Variants in SDCCAG8 observed in about 807,000 individuals in gnomAD.
The protein encoded by SDCCAG8 is serologically defined colon cancer antigen 8.
SDCCAG8 carries 74 observed loss-of-function variants against 101.8 expected under a neutral mutation model. The observed-to-expected ratio is 0.73, with a 90% CI of 0.60 to 0.88. SDCCAG8 has a LOEUF of 0.88. Among genes scored for constraint, SDCCAG8 ranks in the 40% least tolerant of loss-of-function variants. The pLI is 0.00. For synonymous variants in SDCCAG8, 281 were observed against 292.9 expected (o/e 0.96, Z 0.41); for missense variants, 787 against 822.6 (o/e 0.96, Z 0.53).
intron 5 of SDCCAG8, among the ~76,000 whole-genome samples, chr1:243,292,052 G>A (rs905815048): frequency 4.6e-5 from 7 of 152,194 alleles, no homozygotes; most frequent in African/African-American, 1.7e-4. Flanking sequence ...GTAGGGCAGG[G>A]TCCAGGCTGG....
At chr1:243,392,740 C>T (rs751032596) in intron 13 of SDCCAG8, among the ~76,000 whole-genome samples, 1 of 152,164 alleles carries the variant, frequency 6.6e-6, no homozygotes, top group Non-Finnish European at 1.5e-5. Context: ...CGTAACTAAT[C>T]AACTTTTTAG....
At chr1:243,454,946 G>A (rs185155525) in intron 16 of SDCCAG8, among the ~76,000 whole-genome samples, 1 of 152,130 alleles carries the variant, frequency 6.6e-6, no homozygotes, top group Admixed American at 6.5e-5. Context: ...GAAATAAACT[G>A]CTTGACAAAA....
intron 10 of SDCCAG8, among the ~76,000 whole-genome samples, chr1:243,339,572 G>C (rs1245560548): frequency 6.6e-6 from 1 of 152,134 alleles, no homozygotes; most frequent in Non-Finnish European, 1.5e-5. Context: ...ACAATCCTTT[G>C]ATGATAGGGA....
chr1:243,264,567 T>C (rs1165112146), intron 1 of SDCCAG8, among the ~76,000 whole-genome samples: 2 of 151,978 alleles, frequency 1.3e-5, no homozygotes, highest in African/African-American at 4.8e-5. Flanking sequence ...TGAGCCGAGA[T>C]TGCACCATTG....
At chr1:243,369,671 A>G (rs1412470713) in intron 12 of SDCCAG8, among the ~76,000 whole-genome samples, 1 of 152,160 alleles carries the variant, frequency 6.6e-6, no homozygotes, top group African/African-American at 2.4e-5. Context: ...AATGAAGGAT[A>G]CAACCTGGGC....
intron 13 of SDCCAG8, among the ~76,000 whole-genome samples, chr1:243,380,271 A>C (rs1408418550): frequency 1.3e-5 from 2 of 152,222 alleles, no homozygotes; most frequent in African/African-American, 4.8e-5. Context: ...TAACGTTAGC[A>C]TAATTCCTGT....
chr1:243,259,721 A>G (rs1311205145), intron 1 of SDCCAG8, among the ~76,000 whole-genome samples: 1 of 152,026 alleles, frequency 6.6e-6, no homozygotes, highest in Non-Finnish European at 1.5e-5. Flanking sequence ...CGGGAGGCTG[A>G]GGCAGGAGAA....
intron 9 of SDCCAG8, among the ~76,000 whole-genome samples, chr1:243,319,196 C>G (rs2073535225): frequency 6.6e-6 from 1 of 152,054 alleles, no homozygotes; most frequent in Admixed American, 6.6e-5. Flanking sequence ...CAAACACCTC[C>G]CACCAGGCCC....
chr1:243,483,346 G>A (rs1212402060), intron 16 of SDCCAG8, among the ~76,000 whole-genome samples: 1 of 152,076 alleles, frequency 6.6e-6, no homozygotes, highest in Non-Finnish European at 1.5e-5. Flanking sequence ...CGCAAACAGC[G>A]GTGCCCTCTA....
At position 243,308,752 on chromosome 1, in the gene SDCCAG8, C is replaced by T. The variant is rs149244502; in HGVS notation, c.929+575C>T. On this transcript the variant is annotated intron_variant, in intron 8 of 17. Coordinates refer to ENST00000366541, the MANE Select transcript of SDCCAG8 (RefSeq NM_006642.5). The stretch of plus-strand genomic sequence containing the variant: ...CTAAGCTGAGTGAAACAATTCTCTT[C>T]GTACATCTGTTTTGTTGTTTTCACT... 3.0e-4 allele frequency among the ~76,000 whole-genome samples: 45 copies of T among 152,294 alleles called. No individual in the cohort carries two copies. The East Asian group carries it at 6.9e-3, about 24-fold the overall frequency.
Position 243,493,323 on chromosome 1 carries a change from G to A in SDCCAG8, c.2112+4183G>A, listed in dbSNP as rs1042129549. 1.0e-3 allele frequency among the ~76,000 whole-genome samples: 152 copies of A among 152,166 alleles called. 1 individual carries two copies. Among genetic ancestry groups the A allele is most frequent in the Non-Finnish European group, 1.3e-4 (9 of 68,036 alleles). On this transcript the variant is annotated intron_variant, in intron 17 of 17. Coordinates refer to ENST00000366541, the MANE Select transcript of SDCCAG8 (RefSeq NM_006642.5). ...AGCAGGGTCAGGGGTCTGCGGCCCA[G>A]AGCCTGGGGGCTCTAACATCTGGCT...
At chr1:243,435,035 C>T (rs1407985056) in intron 16 of SDCCAG8, among the ~76,000 whole-genome samples, 6 of 152,234 alleles carry the variant, frequency 3.9e-5, no homozygotes, top group Non-Finnish European at 7.3e-5. Context: ...TTGATTTATT[C>T]ATCAAATATT....
At chr1:243,431,878 C>G (rs764936390) in intron 16 of SDCCAG8, among the ~76,000 whole-genome samples, 2 of 152,090 alleles carry the variant, frequency 1.3e-5, no homozygotes, top group Non-Finnish European at 2.9e-5. Context: ...TTTTTTCCCC[C>G]TTTTGTATGG....
chr1:243,348,096 C>T (rs1445837921), intron 12 of SDCCAG8, among the ~76,000 whole-genome samples: 1 of 140,566 alleles, frequency 7.1e-6, no homozygotes, highest in Non-Finnish European at 1.5e-5. Context: ...AGTGCAGTGG[C>T]GCGATCTCGG....
intron 13 of SDCCAG8, among the ~76,000 whole-genome samples, chr1:243,404,124 A>G (rs2079591229): frequency 6.6e-6 from 1 of 152,250 alleles, no homozygotes; most frequent in African/African-American, 2.4e-5. Flanking sequence ...ATGCGAAGGG[A>G]TAAAGGCTGA....
chr1:243,380,769 C>T (rs944519071), intron 13 of SDCCAG8, among the ~76,000 whole-genome samples: 13 of 151,560 alleles, frequency 8.6e-5, no homozygotes, highest in Non-Finnish European at 1.3e-4. Flanking sequence ...TTTCTAAGTG[C>T]GGTACTCTTT....
chr1:243,338,025 A>G (rs992875260), intron 10 of SDCCAG8, among the ~76,000 whole-genome samples: 1 of 152,052 alleles, frequency 6.6e-6, no homozygotes, highest in Non-Finnish European at 1.5e-5. Context: ...GGCTCAAGCA[A>G]TCCCCCTGCC....
chr1:243,438,556 G>A (rs865844187), intron 16 of SDCCAG8, among the ~76,000 whole-genome samples: 9 of 151,404 alleles, frequency 5.9e-5, no homozygotes, highest in South Asian at 2.1e-4. Flanking sequence ...CTATGCACAC[G>A]TGCGCGTGCA....
chr1:243,271,249 A>G lies in SDCCAG8; in HGVS notation c.306+186A>G, dbSNP rs980682551. Among the ~76,000 whole-genome samples the G allele has an allele frequency of 5.3e-5, 8 of 151,670 alleles. No homozygotes were observed. The East Asian group carries it at 1.5e-3, about 29-fold the overall frequency. On this transcript the variant is annotated intron_variant, in intron 3 of 17. Coordinates refer to ENST00000366541, the MANE Select transcript of SDCCAG8 (RefSeq NM_006642.5). ...GATTTCCATGGCAGAGGGAATCTTG[A>G]TTTTTTAAATTTATTATTCACTTGG...
Sources: gnomAD v4.1 joint callset for allele counts (sites outside exome capture counted in the v4.1 genomes callset) on GRCh38, gnomAD v4.1.1 for gene constraint, MANE v1.5 for transcripts, NCBI Gene and HGNC (gene_info 2026-07-23, HGNC 2026-07-21) for gene names.